The following KHDRBS2 variants were observed in gnomAD, a reference collection of about 807,000 sequenced individuals.
KHDRBS2 encodes the protein KH RNA binding domain containing, signal transduction associated 2.
Under a neutral mutation model 44.3 loss-of-function variants are expected in KHDRBS2, and 26 were observed. That is an observed-to-expected ratio of 0.59 (90% CI 0.43 to 0.81). The LOEUF is 0.81. KHDRBS2 is among the 40% of genes least tolerant of loss of function. KHDRBS2 has a pLI of 0.00. For synonymous variants in KHDRBS2, 194 were observed against 151.1 expected, an observed-to-expected ratio of 1.28 and a Z score of -2.08; for missense variants, 476 against 433.1, an observed-to-expected ratio of 1.10 and a Z score of -0.88.
intron 6 of KHDRBS2, among the ~76,000 whole-genome samples, chr6:61,869,964 GTTTTT>G (rs59518436): frequency 7.3e-5 from 8 of 109,028 alleles, no homozygotes; most frequent in African/African-American, 3.0e-4. Context: ...CTGCAGGAGT[GTTTTT>G]TTTTTTTTTT....
chr6:61,572,749 C>T, the KHDRBS2 span, among the ~76,000 whole-genome samples: 1 of 152,104 alleles, frequency 6.6e-6, no homozygotes, highest in African/African-American at 2.4e-5. Context: ...ACAGAAAAAG[C>T]ATTTGATAAA....
At chr6:61,748,243 C>T (rs117375241) in intron 6 of KHDRBS2, among the ~76,000 whole-genome samples, 2 of 152,294 alleles carry the variant, frequency 1.3e-5, no homozygotes, top group East Asian at 3.9e-4. Flanking sequence ...CCTGCCTTGG[C>T]CTCACGGAGT....
intron 4 of KHDRBS2, among the ~76,000 whole-genome samples, chr6:61,915,384 A>C (rs1203799415): frequency 6.6e-6 from 1 of 152,020 alleles, no homozygotes; most frequent in Non-Finnish European, 1.5e-5. Flanking sequence ...GGAAAATAGG[A>C]AGGTGGTCAT....
chr6:61,599,928 G>A, the KHDRBS2 span, among the ~76,000 whole-genome samples: 3 of 152,212 alleles, frequency 2.0e-5, no homozygotes, highest in South Asian at 2.1e-4. Flanking sequence ...ATGACTCTAC[G>A]ACAAATGACA....
chr6:61,773,955 G>A (rs1244095950), intron 6 of KHDRBS2, among the ~76,000 whole-genome samples: 1 of 152,116 alleles, frequency 6.6e-6, no homozygotes, highest in Non-Finnish European at 1.5e-5. Context: ...GATAGTTGTA[G>A]ATAAGCAGCG....
At chr6:61,840,920 C>T (rs901706213) in intron 6 of KHDRBS2, among the ~76,000 whole-genome samples, 7 of 152,092 alleles carry the variant, frequency 4.6e-5, no homozygotes, top group African/African-American at 1.7e-4. Flanking sequence ...GTCCAAGTAA[C>T]AGGCCTCAGT....
chr6:62,069,215 T>C (rs1158387417), intron 2 of KHDRBS2, among the ~76,000 whole-genome samples: 1 of 151,670 alleles, frequency 6.6e-6, no homozygotes, highest in Non-Finnish European at 1.5e-5. Context: ...AACTAGACAG[T>C]TGATTAACTC....
chr6:61,732,596 C>A, intron 7 of KHDRBS2, 86 bp downstream of exon 7: 1 of 789,080 alleles, frequency 1.3e-6, no homozygotes, highest in South Asian at 1.5e-5. Context: ...GAAATTCTCA[C>A]ATGATATAAT....
At chr6:62,124,225 G>A (rs941138504) in intron 2 of KHDRBS2, among the ~76,000 whole-genome samples, 5 of 152,152 alleles carry the variant, frequency 3.3e-5, no homozygotes, top group African/African-American at 1.2e-4. Context: ...TACAGTAAAT[G>A]TGTACTTAGA....
At chr6:61,769,964 GCTGTGTACTCCT>G (rs1350277401) in intron 6 of KHDRBS2, among the ~76,000 whole-genome samples, 3 of 152,108 alleles carry the variant, frequency 2.0e-5, no homozygotes, top group Admixed American at 2.0e-4. Flanking sequence ...ACCTCACACG[GCTGTGTACTCCT>G]CTGAGACAAA....
rs1355877329 is a variant in KHDRBS2, at chr6:61,800,047, T to C, written c.811-67283A>G. 2.6e-5 allele frequency among the ~76,000 whole-genome samples: 4 copies of C among 152,250 alleles called. No individual in the cohort carries two copies. The East Asian group carries it at 7.7e-4, about 29-fold the overall frequency. ...CAAGATTTATTCTATAATATGCCTA[T>C]AAGTATTATTGCTACAGCATTTTGT... On this transcript the variant is annotated intron_variant, in intron 6 of 8. Transcript: ENST00000281156.
intron 7 of KHDRBS2, among the ~76,000 whole-genome samples, chr6:61,707,766 A>T (rs1265477648): frequency 6.6e-6 from 1 of 151,716 alleles, no homozygotes; most frequent in Non-Finnish European, 1.5e-5. Flanking sequence ...GTTAATTTCA[A>T]GGGATGAGAA....
intron 2 of KHDRBS2, among the ~76,000 whole-genome samples, chr6:62,112,587 TAA>T (rs1446409811): frequency 6.6e-6 from 1 of 152,090 alleles, no homozygotes. Context: ...AAAAAGGTAA[TAA>T]AGTCAACTAC....
intron 3 of KHDRBS2, among the ~76,000 whole-genome samples, chr6:62,023,871 A>G (rs931109418): frequency 6.6e-6 from 1 of 151,126 alleles, no homozygotes; most frequent in African/African-American, 2.4e-5. Flanking sequence ...ATATTGCTAA[A>G]AAAACAAAGC....
At chr6:61,750,772 A>AC in intron 6 of KHDRBS2, among the ~76,000 whole-genome samples, 1 of 151,872 alleles carries the variant, frequency 6.6e-6, no homozygotes, top group Non-Finnish European at 1.5e-5. Flanking sequence ...AAAAAAAAAA[A>AC]AAAAACATCT....
chr6:61,956,484 C>A (rs547041035), intron 4 of KHDRBS2, among the ~76,000 whole-genome samples: 2 of 152,110 alleles, frequency 1.3e-5, no homozygotes, highest in Non-Finnish European at 2.9e-5. Context: ...TCAGCCAGTA[C>A]ATCTTTTTTT....
chr6:61,641,786 G>T, the KHDRBS2 span, among the ~76,000 whole-genome samples: 1 of 152,118 alleles, frequency 6.6e-6, no homozygotes, highest in Admixed American at 6.6e-5. Context: ...CTGATAGAAA[G>T]AATATTAAAA....
chr6:61,887,489 C>A (rs1274489428), intron 6 of KHDRBS2, among the ~76,000 whole-genome samples: 1 of 152,052 alleles, frequency 6.6e-6, no homozygotes, highest in Non-Finnish European at 1.5e-5. Context: ...GTGTAACAAA[C>A]TAAAATTCAA....
chr6:61,735,439 A>G (rs539760506), intron 6 of KHDRBS2, among the ~76,000 whole-genome samples: 3 of 152,266 alleles, frequency 2.0e-5, no homozygotes, highest in Admixed American at 6.6e-5. Flanking sequence ...TTAAATTTCT[A>G]CAATTGTCCC....
Sources: allele counts gnomAD v4.1 joint callset (sites outside exome capture counted in the v4.1 genomes callset), GRCh38; gene constraint gnomAD v4.1.1; transcripts MANE v1.5; gene names NCBI Gene and HGNC (gene_info 2026-07-23, HGNC 2026-07-21).